EPHB3: variants seen among roughly 807,000 people sequenced by gnomAD.
EPHB3 encodes EPH receptor B3.
Under a neutral mutation model 100.2 loss-of-function variants are expected in EPHB3, and 33 were observed. The observed-to-expected ratio is 0.33, with a 90% CI of 0.25 to 0.44. The LOEUF (loss-of-function observed/expected upper bound fraction) is 0.44, where lower values mean the gene tolerates loss of function less well. Ranked by LOEUF, EPHB3 falls within the 20% of genes least tolerant of loss-of-function variation. The pLI, the probability that EPHB3 is intolerant of heterozygous loss-of-function variation, is 1.00. For missense variants in EPHB3, 1,045 were observed against 1,378.3 expected (o/e 0.76, Z 3.83); for synonymous variants, 526 against 554.7 (o/e 0.95, Z 0.73).
chr3:184,567,826 T>G (rs1714431499), intron 1 of EPHB3, among the ~76,000 whole-genome samples: 1 of 152,140 alleles, frequency 6.6e-6, no homozygotes, highest in African/African-American at 2.4e-5. Flanking sequence ...TGCGCATATG[T>G]TTCAGGAAAT....
intron 1 of EPHB3, among the ~76,000 whole-genome samples, chr3:184,568,258 G>T (rs1195018615): frequency 1.3e-5 from 2 of 152,150 alleles, no homozygotes; most frequent in African/African-American, 4.8e-5. Flanking sequence ...CCCAGGCCTG[G>T]TGACTACCTC....
In EPHB3 at chr3:184,577,528, C is replaced by T. The variant is rs7644377; in HGVS notation, c.1479+61C>T. On this transcript the variant is annotated intron_variant, in intron 6 of 15. Coordinates refer to ENST00000330394, the MANE Select transcript of EPHB3 (RefSeq NM_004443.4). The surrounding 1 kb of genome is among the most constrained non-coding windows in gnomAD (Gnocchi z 4.9). ...TGAGCTGGGCTGAGAAAATTACCCCCGGATCATGATGGGGCCCTTGGGAGC... is the reference window on the plus strand; with the variant it reads ...TGAGCTGGGCTGAGAAAATTACCCCTGGATCATGATGGGGCCCTTGGGAGC... The T allele has an allele frequency of 0.18, 281,015 of 1,604,336 alleles. 28,644 individuals are homozygous for T. Among genetic ancestry groups the T allele is most frequent in the African/African-American group, 0.43 (32,246 of 74,702 alleles).
chr3:184,567,652 G>T (rs911301618), intron 1 of EPHB3, among the ~76,000 whole-genome samples: 3 of 152,206 alleles, frequency 2.0e-5, no homozygotes, highest in Non-Finnish European at 4.4e-5. Context: ...GCAGCTGATT[G>T]TAGTTTGTGT....
Position 184,572,887 on chromosome 3 carries a change from C to T in EPHB3, c.567C>T (p.Phe189=). The change falls in exon 3 of 16, where the codon TTC becomes TTT. Residue 189 remains phenylalanine (F), a synonymous_variant. Coordinates refer to ENST00000330394, the MANE Select transcript of EPHB3 (RefSeq NM_004443.4). The surrounding 1 kb of genome is among the most constrained non-coding windows in gnomAD (Gnocchi z 6.6). ...TTGGGCCACTTTCCAAGGCTGGCTT[C>T]TACCTGGCCTTCCAGGACCAGGGCG... The part of the protein sequence containing the change: ...RSFGPLSKAG[F]YLAFQDQGAC... The T allele has an allele frequency of 6.4e-7, 1 of 1,561,038 alleles. No homozygotes were observed. Among genetic ancestry groups the T allele is most frequent in the Non-Finnish European group, 8.7e-7 (1 of 1,153,932 alleles).
rs917928232 is a variant in EPHB3 at position 184,572,174 on chromosome 3, A to G, written c.184-330A>G. 6.6e-6 allele frequency among the ~76,000 whole-genome samples: 1 copy of G among 152,226 alleles called. No individual in the cohort carries two copies. The highest frequency in any genetic ancestry group is 2.4e-5 in the African/African-American group (1 of 41,468). On this transcript the variant is annotated intron_variant, in intron 2 of 15. Coordinates refer to ENST00000330394, the MANE Select transcript of EPHB3 (RefSeq NM_004443.4). The surrounding 1 kb of genome is among the most constrained non-coding windows in gnomAD (Gnocchi z 6.6). ...TTACAGATGACAAAACTGAGGTATA[A>G]AGATAACAAATATAGCTGATGTTCC...
intron 11 of EPHB3, among the ~76,000 whole-genome samples, 199 bp from the exon 12 acceptor site, chr3:184,580,203 G>T (rs1401718475): frequency 6.6e-6 from 1 of 152,194 alleles, no homozygotes; most frequent in Non-Finnish European, 1.5e-5. Flanking sequence ...GAGCTAGTGG[G>T]TCCTCATGGG....
chr3:184,575,852 G>A lies in EPHB3; in HGVS notation c.879G>A (p.Lys293=). The A allele has an allele frequency of 6.2e-7, 1 of 1,611,492 alleles. No homozygotes were observed. Residue 293 remains lysine (K), a synonymous_variant, in exon 4 of 16, where the codon AAG becomes AAA. Coordinates refer to ENST00000330394, the MANE Select transcript of EPHB3 (RefSeq NM_004443.4). The part of the protein sequence containing the change: ...QCRPCPPGSY[K]AKQGEGPCLP... ...CAGCCTGTCCCCCTGGGAGCTACAAGGCGAAGCAGGGAGAGGGGCCCTGCC... is the reference window on the plus strand; with the variant it reads ...CAGCCTGTCCCCCTGGGAGCTACAAAGCGAAGCAGGGAGAGGGGCCCTGCC...
chr3:184,566,860 G>GT (rs1205538265), intron 1 of EPHB3, among the ~76,000 whole-genome samples: 3 of 152,160 alleles, frequency 2.0e-5, no homozygotes, highest in South Asian at 2.1e-4. Context: ...GTTTTGGCTT[G>GT]TTTTTTTCTG....
chr3:184,571,499 C>G lies in EPHB3; in HGVS notation c.183+117C>G. On this transcript the variant is annotated intron_variant, in intron 2 of 15. Transcript: ENST00000330394. This position sits in a 1 kb window ranked among gnomAD's most constrained non-coding sequence, Gnocchi z 5.0. The stretch of plus-strand genomic sequence containing the variant: ...GGAGGAGGGCTGCCTCTGCCCTCTG[C>G]CTGTCACCCTCACTTCCTGTGCCAT... 1 of 1,024,696 alleles carries G rather than the reference C, an allele frequency of 9.8e-7. No homozygotes were observed. Among genetic ancestry groups the G allele is most frequent in the Non-Finnish European group, 1.5e-6 (1 of 668,986 alleles). 63.5% of individuals were successfully genotyped at this position (1,024,696 alleles called of 1,614,324 possible).
chr3:184,572,283 C>G lies in EPHB3; in HGVS notation c.184-221C>G, dbSNP rs1043254723. Among the ~76,000 whole-genome samples, 3 of 152,268 alleles carry G rather than the reference C, an allele frequency of 2.0e-5. No individual in the cohort carries two copies. The highest frequency in any genetic ancestry group is 2.0e-4 in the Admixed American group (3 of 15,292). The stretch of plus-strand genomic sequence containing the variant: ...ATTCCTTACACATCTTTATTATCCC[C>G]ATGTTACAGATGGGGAAACTGAGGC... On this transcript the variant is annotated intron_variant, in intron 2 of 15. Coordinates refer to ENST00000330394, the MANE Select transcript of EPHB3 (RefSeq NM_004443.4). This position sits in a 1 kb window ranked among gnomAD's most constrained non-coding sequence, Gnocchi z 6.6.
At position 184,571,217 on chromosome 3, in the gene EPHB3, G is replaced by A. The variant is rs1043697780; in HGVS notation, c.119-101G>A. The A allele has an allele frequency of 1.7e-6, 2 of 1,185,156 alleles. No homozygotes were observed. The highest frequency in any genetic ancestry group is 2.5e-6 in the Non-Finnish European group (2 of 799,768). The allele number at this position is 1,185,156 out of a possible 1,614,324, so 73.4% of individuals were successfully genotyped here. A position where few individuals can be genotyped will look rare whatever the true frequency, so the allele number is the denominator to read the frequency against. On this transcript the variant is annotated intron_variant, in intron 1 of 15. Coordinates refer to ENST00000330394, the MANE Select transcript of EPHB3 (RefSeq NM_004443.4). This position sits in a 1 kb window ranked among gnomAD's most constrained non-coding sequence, Gnocchi z 5.0. ...GATCCACCTGCCTCAGACTCCCAAA[G>A]TGCTGGGATTACAGGTGTGAGCCAC...
chr3:184,568,592 A>ACCCCCCCCCCCCCCCCCCC (rs113185340), intron 1 of EPHB3, among the ~76,000 whole-genome samples: 2 of 131,100 alleles, frequency 1.5e-5, no homozygotes, highest in Admixed American at 7.7e-5. Flanking sequence ...GGGTTCTATG[A>ACCCCCCCCCCCCCCCCCCC]CCCCCCCCCC....
rs1214531875 is a variant in EPHB3 at position 184,569,232 on chromosome 3, AGG to A, written c.119-2084_119-2083del. On this transcript the variant is annotated intron_variant, in intron 1 of 15. Transcript: ENST00000330394. This position sits in a 1 kb window ranked among gnomAD's most constrained non-coding sequence, Gnocchi z 5.4. ...CGGCGGGAGGACTGGCTGCGGGGGC[AGG>A]GCGCGCTTGCTCTGCCGGCTCCCGG... Among the ~76,000 whole-genome samples, 1 of 139,498 alleles carries A rather than the reference AGG, an allele frequency of 7.2e-6. No individual in the cohort carries two copies. The highest frequency in any genetic ancestry group is 1.6e-5 in the Non-Finnish European group (1 of 63,056). The allele number at this position is 139,498 out of a possible 152,430, so 91.5% of individuals were successfully genotyped here.
rs1714830282 is a variant in EPHB3, at chr3:184,581,780, C to T, written c.*158C>T. 1.4e-6 allele frequency: 1 copy of T among 698,308 alleles called. No individual in the cohort carries two copies. The highest frequency in any genetic ancestry group is 1.8e-5 in the African/African-American group (1 of 55,610). 43.3% of individuals were successfully genotyped at this position (698,308 alleles called of 1,614,324 possible). The stretch of plus-strand genomic sequence containing the variant: ...GCTGGGACTTCTCCAGGCCTGTGTT[C>T]CCTCCCCAGGAAGTGCGCCCCAAAC... On this transcript the variant is annotated 3_prime_UTR_variant, in exon 16 of 16. Coordinates refer to ENST00000330394, the MANE Select transcript of EPHB3 (RefSeq NM_004443.4).
chr3:184,564,600 C>T (rs766091418), intron 1 of EPHB3, among the ~76,000 whole-genome samples: 9 of 152,088 alleles, frequency 5.9e-5, no homozygotes, highest in South Asian at 4.1e-4. Context: ...AGGAGTGAAA[C>T]GAGTGTGTGC....
At chr3:184,566,469 G>T (rs1233914065) in intron 1 of EPHB3, among the ~76,000 whole-genome samples, 2 of 152,236 alleles carry the variant, frequency 1.3e-5, no homozygotes, top group African/African-American at 2.4e-5. Context: ...GGCCCTGGGT[G>T]AGTTAGGCTC....
intron 3 of EPHB3, among the ~76,000 whole-genome samples, chr3:184,575,512 C>A (rs1217086657): frequency 6.6e-6 from 1 of 151,534 alleles, no homozygotes; most frequent in Non-Finnish European, 1.5e-5. Context: ...ACCTCTTCCT[C>A]TGTCTTTCTC....
At chr3:184,575,558 G>A (rs1714653490) in intron 3 of EPHB3, among the ~76,000 whole-genome samples, 1 of 151,758 alleles carries the variant, frequency 6.6e-6, no homozygotes, top group Non-Finnish European at 1.5e-5. Context: ...GGCTGTCCAG[G>A]TGATGGGGCT....
chr3:184,578,043 C>T lies in EPHB3; in HGVS notation c.1748+37C>T, dbSNP rs766018310. The T allele has an allele frequency of 1.5e-5, 24 of 1,604,714 alleles. No homozygotes were observed. The highest frequency in any genetic ancestry group is 1.7e-4 in the Middle Eastern group (1 of 6,044). ...CCCACTGTTGCTCCATGGGCCGCCT[C>T]GAACTGCCCTTTAGCATCCTAGAGC... is the stretch of plus-strand genomic sequence containing the variant. On this transcript the variant is annotated intron_variant, in intron 8 of 15. Transcript: ENST00000330394. The surrounding 1 kb of genome is among the most constrained non-coding windows in gnomAD (Gnocchi z 4.7).
Sources: gnomAD v4.1 joint callset for allele counts (sites outside exome capture counted in the v4.1 genomes callset) on GRCh38, gnomAD v4.1.1 for gene constraint, Gnocchi (gnomAD v3.1) non-coding constraint, MANE v1.5 for transcripts, NCBI Gene and HGNC (gene_info 2026-07-23, HGNC 2026-07-21) for gene names.